TOX2: variants seen among roughly 807,000 people sequenced by gnomAD.
The protein encoded by TOX2 is TOX high mobility group box family member 2, also known as granulosa cell HMG box 1.
In TOX2, 15 loss-of-function variants were observed where a neutral mutation model predicts 47.4. The observed-to-expected ratio is 0.32, with a 90% CI of 0.21 to 0.49. TOX2 has a LOEUF of 0.49. Ranked by LOEUF, TOX2 falls within the 20% of genes least tolerant of loss-of-function variation. The pLI, the probability that TOX2 is intolerant of heterozygous loss-of-function variation, is 0.99. For synonymous variants in TOX2, 290 were observed against 296.6 expected, an observed-to-expected ratio of 0.98 and a Z score of 0.23; for missense variants, 622 against 673.1, an observed-to-expected ratio of 0.92 and a Z score of 0.84.
chr20:44,030,107 C>T (rs1041415783), intron 3 of TOX2, among the ~76,000 whole-genome samples: 2 of 152,118 alleles, frequency 1.3e-5, no homozygotes, highest in African/African-American at 4.8e-5. Context: ...ATGCAATCGG[C>T]CCCCACCTGG....
rs1289647748 is a variant in TOX2, at chr20:44,062,400, AAATAAATG to A, written c.880-2369_880-2362del. Among the ~76,000 whole-genome samples the A allele has an allele frequency of 2.7e-3, 368 of 136,818 alleles. 4 individuals are homozygous for A. Among genetic ancestry groups the A allele is most frequent in the African/African-American group, 6.5e-3 (213 of 32,760 alleles). 89.8% of individuals were successfully genotyped at this position (136,818 alleles called of 152,430 possible). On this transcript the variant is annotated intron_variant, in intron 5 of 8. Coordinates refer to ENST00000341197, the MANE Select transcript of TOX2 (RefSeq NM_001098797.2). The stretch of plus-strand genomic sequence containing the variant: ...TAAATAAATAAATAAATAAATAAAT[AAATAAATG>A]AATAAATAAAATACTTAGGAATATA...
intron 3 of TOX2, among the ~76,000 whole-genome samples, chr20:44,010,155 C>G (rs758034024): frequency 2.0e-5 from 3 of 152,184 alleles, no homozygotes; most frequent in Non-Finnish European, 2.9e-5. Context: ...CCTTAAGTCT[C>G]ATTTACCTAA....
At chr20:43,977,925 G>A (rs2070110038) in intron 2 of TOX2, among the ~76,000 whole-genome samples, 1 of 152,190 alleles carries the variant, frequency 6.6e-6, no homozygotes, top group African/African-American at 2.4e-5. Flanking sequence ...GGAAAGGGAA[G>A]TGGGCTTGGG....
At chr20:44,036,299 C>A (rs1051561212) in intron 3 of TOX2, among the ~76,000 whole-genome samples, 1 of 152,188 alleles carries the variant, frequency 6.6e-6, no homozygotes, top group Non-Finnish European at 1.5e-5. Context: ...AGTAGGTGTT[C>A]ACTGAGGCTG....
At chr20:43,936,388 A>G (rs1323871710) in intron 1 of TOX2, among the ~76,000 whole-genome samples, 1 of 152,240 alleles carries the variant, frequency 6.6e-6, no homozygotes, top group Non-Finnish European at 1.5e-5. Context: ...GCTTCACAGT[A>G]AGCCACCAGA....
rs372255529 is a variant in TOX2 at position 44,066,804 on chromosome 20, C to T, written c.1431C>T (p.Ser477=). The change falls in exon 8 of 9, where the codon AGC becomes AGT. Residue 477 remains serine, a synonymous_variant. Transcript: ENST00000341197. ...CSPGPSNPTS[S]GDWDSSYPSG... ...CTGGCCCATCCAACCCCACCAGCAG[C>T]GGGGACTGGGACAGCAGCTACCCCA... is the stretch of plus-strand genomic sequence containing the variant. The T allele has an allele frequency of 1.7e-5, 27 of 1,614,036 alleles. No homozygotes were observed. The highest frequency in any genetic ancestry group is 2.1e-5 in the Non-Finnish European group (25 of 1,180,024).
chr20:44,002,608 A>G (rs1345071754), intron 2 of TOX2, among the ~76,000 whole-genome samples: 3 of 152,164 alleles, frequency 2.0e-5, no homozygotes, highest in African/African-American at 7.2e-5. Context: ...TTGAGACTAG[A>G]TCTTTTACAA....
intron 2 of TOX2, among the ~76,000 whole-genome samples, chr20:44,000,047 G>A (rs6065682): frequency 0.61 from 93,457 of 152,038 alleles, 29,184 homozygotes; most frequent in Non-Finnish European, 0.67. Context: ...GGGCAGAAAC[G>A]TGCCTGGAGT....
At chr20:43,986,689 T>TG (rs2070273180) in intron 2 of TOX2, among the ~76,000 whole-genome samples, 1 of 152,144 alleles carries the variant, frequency 6.6e-6, no homozygotes, top group Admixed American at 6.5e-5. Context: ...CTGTGTAAAT[T>TG]GGTACCACCA....
chr20:43,925,816 G>A (rs2069159442), intron 1 of TOX2, among the ~76,000 whole-genome samples: 1 of 152,166 alleles, frequency 6.6e-6, no homozygotes, highest in East Asian at 1.9e-4. Flanking sequence ...GGGCACATTT[G>A]TCCCCATTTT....
intron 1 of TOX2, among the ~76,000 whole-genome samples, chr20:43,932,838 G>A (rs1156762996): frequency 6.6e-6 from 1 of 151,260 alleles, no homozygotes; most frequent in Non-Finnish European, 1.5e-5. Context: ...AGAGACATCA[G>A]TGGGCCTTGC....
chr20:43,942,559 G>A (rs1457682811), intron 1 of TOX2, among the ~76,000 whole-genome samples: 1 of 152,188 alleles, frequency 6.6e-6, no homozygotes. Context: ...GGTGGCACAT[G>A]CCTGTAGTCC....
At chr20:43,941,386 A>G (rs894709732) in intron 1 of TOX2, among the ~76,000 whole-genome samples, 1 of 150,306 alleles carries the variant, frequency 6.7e-6, no homozygotes. Flanking sequence ...AGGCTGGAGT[A>G]CAATGGCGCG....
intron 1 of TOX2, among the ~76,000 whole-genome samples, chr20:43,931,139 T>C (rs1413264137): frequency 6.6e-6 from 1 of 152,170 alleles, no homozygotes; most frequent in Non-Finnish European, 1.5e-5. Context: ...ATACATCTTT[T>C]ATGTTTTTTT....
chr20:43,971,859 A>G (rs1391268162), intron 1 of TOX2, among the ~76,000 whole-genome samples: 1 of 152,250 alleles, frequency 6.6e-6, no homozygotes, highest in Non-Finnish European at 1.5e-5. Context: ...TGAATAGAAT[A>G]AATGACTCTA....
At chr20:43,927,771 C>T (rs1351065739) in intron 1 of TOX2, among the ~76,000 whole-genome samples, 2 of 140,390 alleles carry the variant, frequency 1.4e-5, no homozygotes, top group African/African-American at 2.6e-5. Flanking sequence ...CTCCCTCCCT[C>T]CCTCTTTCCC....
At chr20:43,958,172 C>A (rs2069698571) in intron 1 of TOX2, among the ~76,000 whole-genome samples, 2 of 151,388 alleles carry the variant, frequency 1.3e-5, no homozygotes, top group Admixed American at 6.6e-5. Context: ...TTGTACTTTT[C>A]CTTCTGTTTC....
chr20:43,946,061 C>T (rs961398352), intron 1 of TOX2: 1 of 1,612,340 alleles, frequency 6.2e-7, no homozygotes. Context: ...TGCCCACCGC[C>T]CCATGAGGTG....
chr20:44,043,506 C>A (rs1439139420), intron 3 of TOX2, among the ~76,000 whole-genome samples: 6 of 152,170 alleles, frequency 3.9e-5, no homozygotes. Context: ...AGGCATTATA[C>A]TGTATGTGTC....
Sources: gnomAD v4.1 joint callset for allele counts (sites outside exome capture counted in the v4.1 genomes callset) on GRCh38, gnomAD v4.1.1 for gene constraint, MANE v1.5 for transcripts, NCBI Gene and HGNC (gene_info 2026-07-23, HGNC 2026-07-21) for gene names.